The following ZBTB20 variants were observed in gnomAD, a reference collection of about 807,000 sequenced individuals.
The protein encoded by ZBTB20 is zinc finger and BTB domain-containing protein 20.
In ZBTB20, 9 loss-of-function variants were observed where a neutral mutation model predicts 56.9. The ratio of observed to expected loss-of-function variants is 0.16; its 90% CI spans 0.10 to 0.28. ZBTB20 has a LOEUF of 0.28. Among genes scored for constraint, ZBTB20 ranks in the 10% least tolerant of loss-of-function variants. The probability of loss-of-function intolerance (pLI) is 1.00; values close to 1 mark genes in which losing one functional copy is unlikely to be tolerated. For missense variants in ZBTB20, 655 were observed against 1,003.0 expected, an observed-to-expected ratio of 0.65 and a Z score of 4.69; for synonymous variants, 417 against 420.7, an observed-to-expected ratio of 0.99 and a Z score of 0.11.
intron 5 of ZBTB20, among the ~76,000 whole-genome samples, chr3:114,726,724 A>T (rs1206045498): frequency 1.3e-5 from 2 of 150,802 alleles, no homozygotes; most frequent in African/African-American, 2.4e-5. Flanking sequence ...CATCCTGGCT[A>T]ACATGGTGAA....
intron 4 of ZBTB20, among the ~76,000 whole-genome samples, chr3:114,849,008 A>AGATG (rs1422644198): frequency 6.6e-6 from 1 of 152,250 alleles, no homozygotes; most frequent in Admixed American, 6.5e-5. Context: ...TCACAACCAC[A>AGATG]GATGGCAACA....
intron 7 of ZBTB20, among the ~76,000 whole-genome samples, chr3:114,439,897 C>A (rs1323232061): frequency 6.6e-6 from 1 of 152,124 alleles, no homozygotes. Flanking sequence ...ATTGGCAAAG[C>A]TAATCTTTTA....
At chr3:114,582,155 A>G (rs1397880461) in intron 6 of ZBTB20, 2 of 152,196 alleles carry the variant, frequency 1.3e-5, no homozygotes, top group African/African-American at 4.8e-5. Flanking sequence ...CAAGGGGCAC[A>G]TACAAAGGAT....
At chr3:114,634,000 T>C (rs1356115840) in intron 6 of ZBTB20, among the ~76,000 whole-genome samples, 1 of 152,216 alleles carries the variant, frequency 6.6e-6, no homozygotes, top group African/African-American at 2.4e-5. Flanking sequence ...CATTCATCTC[T>C]GTATCCACCC....
chr3:114,817,850 C>T (rs2073029830), intron 4 of ZBTB20, among the ~76,000 whole-genome samples: 1 of 151,952 alleles, frequency 6.6e-6, no homozygotes, highest in Non-Finnish European at 1.5e-5. Flanking sequence ...AAAAATAAGA[C>T]AAATGATACC....
intron 1 of ZBTB20, among the ~76,000 whole-genome samples, chr3:115,124,692 T>TA (rs2084275827): frequency 6.6e-6 from 1 of 152,050 alleles, no homozygotes; most frequent in South Asian, 2.1e-4. Context: ...CCCTTGCAGA[T>TA]ACAGACCCCT....
chr3:114,503,548 CTA>C (rs2109707249), intron 6 of ZBTB20, among the ~76,000 whole-genome samples: 1 of 152,226 alleles, frequency 6.6e-6, no homozygotes, highest in East Asian at 1.9e-4. Flanking sequence ...CCTTATATGT[CTA>C]TAAGTTGTTT....
chr3:114,798,472 C>G (rs2071485176), intron 5 of ZBTB20, among the ~76,000 whole-genome samples: 2 of 151,724 alleles, frequency 1.3e-5, no homozygotes, highest in Admixed American at 6.6e-5. Context: ...AAAAATGAGC[C>G]CAAGGCAATT....
intron 4 of ZBTB20, among the ~76,000 whole-genome samples, chr3:114,895,864 A>G (rs1484498666): frequency 6.6e-6 from 1 of 152,174 alleles, no homozygotes; most frequent in East Asian, 1.9e-4. Flanking sequence ...CTTGAGGCTT[A>G]GTAAGCTCTG....
intron 6 of ZBTB20, among the ~76,000 whole-genome samples, chr3:114,567,394 A>G (rs1357781000): frequency 1.3e-5 from 2 of 152,182 alleles, no homozygotes; most frequent in Non-Finnish European, 2.9e-5. Context: ...AGCATGTTAA[A>G]ATCCAAATTC....
At chr3:115,102,196 A>G (rs377525399) in intron 1 of ZBTB20, among the ~76,000 whole-genome samples, 1 of 152,310 alleles carries the variant, frequency 6.6e-6, no homozygotes, top group East Asian at 1.9e-4. Flanking sequence ...GTGCTGCAGT[A>G]GTATATCACC....
intron 6 of ZBTB20, among the ~76,000 whole-genome samples, chr3:114,549,915 A>T (rs569447636): frequency 5.3e-5 from 8 of 151,904 alleles, no homozygotes; most frequent in Admixed American, 3.9e-4. Context: ...CTTCCATAAA[A>T]TATTTTTTCT....
chr3:114,787,368 T>TATACACACATAC (rs1433434685), intron 5 of ZBTB20, among the ~76,000 whole-genome samples: 2 of 106,332 alleles, frequency 1.9e-5, no homozygotes, highest in African/African-American at 9.1e-5. Context: ...TATATATATA[T>TATACACACATAC]ACACACACAC....
chr3:114,474,379 T>A lies in ZBTB20; in HGVS notation c.-255+25973A>T, dbSNP rs558864188. 8.5e-5 allele frequency among the ~76,000 whole-genome samples: 13 copies of A among 152,372 alleles called. No homozygotes were observed. The East Asian group carries it at 2.5e-3, about 29-fold the overall frequency. ...GCTTCACATATCTGCACACCACTTA[T>A]GTGGCATTCCAAATATGGTTAAGAA... On this transcript the variant is annotated intron_variant, in intron 7 of 11. Coordinates refer to ENST00000675478, the MANE Select transcript of ZBTB20 (RefSeq NM_001348800.3).
chr3:115,069,327 A>G (rs923028276), intron 2 of ZBTB20, among the ~76,000 whole-genome samples: 2 of 152,056 alleles, frequency 1.3e-5, no homozygotes, highest in African/African-American at 4.8e-5. Context: ...TCTGTTTTCA[A>G]TCGGGAGAGA....
chr3:114,497,359 A>G (rs943974053), intron 7 of ZBTB20, among the ~76,000 whole-genome samples: 10 of 152,188 alleles, frequency 6.6e-5, no homozygotes, highest in African/African-American at 2.2e-4. Context: ...GGTCCTCCGT[A>G]TGGCAGGCAA....
intron 6 of ZBTB20, among the ~76,000 whole-genome samples, chr3:114,553,357 C>T (rs900072638): frequency 4.6e-5 from 7 of 152,146 alleles, no homozygotes; most frequent in African/African-American, 1.4e-4. Context: ...AATTTAACTT[C>T]CACTCCATGA....
At chr3:114,719,069 A>T (rs2064717846) in intron 5 of ZBTB20, among the ~76,000 whole-genome samples, 2 of 151,266 alleles carry the variant, frequency 1.3e-5, no homozygotes, top group African/African-American at 4.9e-5. Flanking sequence ...AACTCCACAC[A>T]AGCAGAAGGA....
chr3:114,535,802 G>A (rs2048395532), intron 6 of ZBTB20, among the ~76,000 whole-genome samples: 2 of 152,190 alleles, frequency 1.3e-5, no homozygotes, highest in Admixed American at 1.3e-4. Context: ...CCACGATCAA[G>A]TTGGCTTCAT....
Sources: allele counts gnomAD v4.1 joint callset (sites outside exome capture counted in the v4.1 genomes callset), GRCh38; gene constraint gnomAD v4.1.1; transcripts MANE v1.5; gene names NCBI Gene and HGNC (gene_info 2026-07-23, HGNC 2026-07-21).